ZMAT4: variants seen among roughly 807,000 people sequenced by gnomAD.
The protein encoded by ZMAT4 is zinc finger matrin-type 4.
ZMAT4 carries 17 observed loss-of-function variants against 28.7 expected under a neutral mutation model. The observed-to-expected ratio is 0.59, with a 90% CI of 0.41 to 0.89. The LOEUF is 0.89. Ranked by LOEUF, ZMAT4 falls within the 40% of genes least tolerant of loss-of-function variation. ZMAT4 has a pLI of 0.00. For missense variants in ZMAT4, 240 were observed against 283.8 expected (o/e 0.85, Z 1.11); for synonymous variants, 117 against 109.2 (o/e 1.07, Z -0.44).
chr8:40,737,302 C>G (rs926150445), intron 3 of ZMAT4, among the ~76,000 whole-genome samples: 6 of 151,474 alleles, frequency 4.0e-5, no homozygotes, highest in African/African-American at 1.5e-4. Context: ...CAATGTGACC[C>G]AAGGAAACCA....
At chr8:40,649,046 A>C (rs544259994) in intron 5 of ZMAT4, among the ~76,000 whole-genome samples, 1 of 149,408 alleles carries the variant, frequency 6.7e-6, no homozygotes, top group Non-Finnish European at 1.5e-5. Flanking sequence ...CTAACATCAT[A>C]ATGACAGGAT....
At chr8:40,544,908 T>C (rs539034289) in intron 6 of ZMAT4, among the ~76,000 whole-genome samples, 8 of 152,298 alleles carry the variant, frequency 5.3e-5, no homozygotes, top group African/African-American at 1.9e-4. Context: ...CCCCTCTCCT[T>C]GAGTGTAGGC....
intron 6 of ZMAT4, among the ~76,000 whole-genome samples, chr8:40,567,187 C>A (rs143295645): frequency 6.6e-6 from 1 of 152,116 alleles, no homozygotes; most frequent in Non-Finnish European, 1.5e-5. Context: ...ATAACACCAA[C>A]ATTTCTGAAA....
chr8:40,707,474 G>A (rs4487751), intron 3 of ZMAT4, among the ~76,000 whole-genome samples: 23,919 of 151,942 alleles, frequency 0.16, 2,734 homozygotes, highest in East Asian at 0.36. Flanking sequence ...TGTCACATGG[G>A]GAGTAAAACC....
Position 40,648,873 on chromosome 8 carries a change from C to T in ZMAT4, c.577+25831G>A, listed in dbSNP as rs1315692968. On this transcript the variant is annotated intron_variant, in intron 5 of 6. Coordinates refer to ENST00000297737, the MANE Select transcript of ZMAT4 (RefSeq NM_024645.3). ...AAAATACTTTACAGACAAGCAAATG[C>T]TGAGAGATTTTGTCACCACCAGGCC... 5.0e-3 allele frequency among the ~76,000 whole-genome samples: 704 copies of T among 140,400 alleles called. 7 individuals carry two copies. Among genetic ancestry groups the T allele is most frequent in the African/African-American group, 0.017 (660 of 38,774 alleles). 92.1% of individuals were successfully genotyped at this position (140,400 alleles called of 152,430 possible).
intron 3 of ZMAT4, among the ~76,000 whole-genome samples, chr8:40,706,289 C>T (rs1348088908): frequency 3.9e-5 from 6 of 152,098 alleles, no homozygotes; most frequent in Non-Finnish European, 8.8e-5. Context: ...CTCCTGACCC[C>T]GTGATCCACC....
Position 40,706,834 on chromosome 8 carries a change from C to T in ZMAT4, c.193-9433G>A, listed in dbSNP as rs554850038. On this transcript the variant is annotated intron_variant, in intron 3 of 6. Coordinates refer to ENST00000297737, the MANE Select transcript of ZMAT4 (RefSeq NM_024645.3). ...CCCGGCTGCCTGTTTTTGTTGGATG[C>T]TGCAGGTAAGTGAAGATTCAGTCCC... Among the ~76,000 whole-genome samples the T allele has an allele frequency of 2.0e-5, 3 of 152,244 alleles. No homozygotes were observed. The East Asian group carries it at 5.8e-4, about 29-fold the overall frequency.
chr8:40,731,209 T>C (rs762589972), intron 3 of ZMAT4, among the ~76,000 whole-genome samples: 2 of 146,816 alleles, frequency 1.4e-5, no homozygotes, highest in African/African-American at 2.4e-5. Context: ...ATAGGACTGG[T>C]ACCCATTCCC....
chr8:40,560,109 C>T (rs997115555), intron 6 of ZMAT4, among the ~76,000 whole-genome samples: 3 of 151,916 alleles, frequency 2.0e-5, no homozygotes, highest in Non-Finnish European at 4.4e-5. Flanking sequence ...CTGTCAATAC[C>T]TGTGCCTCTA....
chr8:40,532,267 C>A, intron 6 of ZMAT4, 29 bp from the exon 7 acceptor site: 1 of 1,568,244 alleles, frequency 6.4e-7, no homozygotes, highest in Non-Finnish European at 8.7e-7. Context: ...CACAGTGTTA[C>A]CTTCTTTCAT....
chr8:40,767,517 G>A lies in ZMAT4; in HGVS notation c.192+124C>T, dbSNP rs1024114732. The stretch of plus-strand genomic sequence containing the variant: ...TATCATAGTACCTGTAATATTTAGT[G>A]AGAACTATTTCTACTCACTCAGCTT... On this transcript the variant is annotated intron_variant, in intron 3 of 6. Transcript: ENST00000297737. 6 of 747,168 alleles carry A rather than the reference G, an allele frequency of 8.0e-6. No individual in the cohort carries two copies. The African/African-American group carries it at 8.9e-5, about 11-fold the overall frequency. 46.3% of individuals were successfully genotyped at this position (747,168 alleles called of 1,614,324 possible).
chr8:40,540,101 A>C (rs1802980284), intron 6 of ZMAT4, among the ~76,000 whole-genome samples: 1 of 152,214 alleles, frequency 6.6e-6, no homozygotes. Flanking sequence ...CATCAGCGTG[A>C]TGAGGGAGTA....
intron 6 of ZMAT4, among the ~76,000 whole-genome samples, chr8:40,549,223 C>T (rs1803293567): frequency 6.6e-6 from 1 of 152,126 alleles, no homozygotes; most frequent in Non-Finnish European, 1.5e-5. Flanking sequence ...GCCTCCAGAA[C>T]CATGAGAGAT....
chr8:40,805,575 T>G (rs4449773), intron 2 of ZMAT4, among the ~76,000 whole-genome samples: 67,308 of 102,906 alleles, frequency 0.65, 23,472 homozygotes, highest in Middle Eastern at 0.77. Flanking sequence ...TTAAGAAAAT[T>G]TGGCACATAT....
intron 2 of ZMAT4, among the ~76,000 whole-genome samples, chr8:40,789,050 G>T (rs1404546270): frequency 7.2e-6 from 1 of 138,118 alleles, no homozygotes; most frequent in South Asian, 2.5e-4. Flanking sequence ...GGAAGGAGAA[G>T]GGAAGGGAAG....
chr8:40,550,418 T>C (rs946303902), intron 6 of ZMAT4, among the ~76,000 whole-genome samples: 1 of 152,188 alleles, frequency 6.6e-6, no homozygotes, highest in African/African-American at 2.4e-5. Context: ...TTTAATTCTG[T>C]CTTGGAATCT....
intron 3 of ZMAT4, among the ~76,000 whole-genome samples, chr8:40,723,342 A>G (rs1811184117): frequency 6.6e-6 from 1 of 152,100 alleles, no homozygotes; most frequent in Non-Finnish European, 1.5e-5. Flanking sequence ...CAGGAGTTTG[A>G]CACCAGCCTG....
Position 40,531,486 on chromosome 8 carries a change from G to A in ZMAT4, c.*737C>T, listed in dbSNP as rs1362168150. 1 of 152,540 alleles carries A rather than the reference G, an allele frequency of 6.6e-6. No individual in the cohort carries two copies. The highest frequency in any genetic ancestry group is 1.5e-5 in the Non-Finnish European group (1 of 68,032). 9.4% of individuals were successfully genotyped at this position (152,540 alleles called of 1,614,324 possible). ...GGAAAAAAATTCACCAAGGTCAAGGGCTGTGAAGACGTTTTTGCCTAAGAA... is the reference window on the plus strand; with the variant it reads ...GGAAAAAAATTCACCAAGGTCAAGGACTGTGAAGACGTTTTTGCCTAAGAA... On this transcript the variant is annotated 3_prime_UTR_variant, in exon 7 of 7. Coordinates refer to ENST00000297737, the MANE Select transcript of ZMAT4 (RefSeq NM_024645.3).
At chr8:40,793,262 T>C (rs996600686) in intron 2 of ZMAT4, among the ~76,000 whole-genome samples, 1 of 152,210 alleles carries the variant, frequency 6.6e-6, no homozygotes, top group African/African-American at 2.4e-5. Flanking sequence ...AGTCTGTGAA[T>C]TTAAAAATAC....
Sources: gnomAD v4.1 joint callset for allele counts (sites outside exome capture counted in the v4.1 genomes callset) on GRCh38, gnomAD v4.1.1 for gene constraint, MANE v1.5 for transcripts, NCBI Gene and HGNC (gene_info 2026-07-23, HGNC 2026-07-21) for gene names.